The following BMAL1 variants were observed in gnomAD, a reference collection of about 807,000 sequenced individuals.
The protein encoded by BMAL1 is basic helix-loop-helix ARNT-like protein 1.
chr11:13,378,215 CA>C, the BMAL1 span: 1 of 1,330,694 alleles, frequency 7.5e-7, no homozygotes, highest in Non-Finnish European at 9.9e-7. Context: ...TAAAGTCCCT[CA>C]AGGCACAACT....
the BMAL1 span, among the ~76,000 whole-genome samples, chr11:13,302,234 G>A: frequency 6.6e-6 from 1 of 152,136 alleles, no homozygotes; most frequent in Admixed American, 6.5e-5. Context: ...TGAGGAATAG[G>A]TCTGGGCTGA....
At chr11:13,279,424 A>G in the BMAL1 span, among the ~76,000 whole-genome samples, 2 of 152,208 alleles carry the variant, frequency 1.3e-5, no homozygotes, top group African/African-American at 4.8e-5. Context: ...AATGACAACT[A>G]TTATTTTAAT....
the BMAL1 span, among the ~76,000 whole-genome samples, chr11:13,313,135 T>C: frequency 6.6e-6 from 1 of 152,226 alleles, no homozygotes; most frequent in Non-Finnish European, 1.5e-5. Flanking sequence ...CCCAGCTGAC[T>C]GCTCCCTGCA....
At chr11:13,304,507 A>G in the BMAL1 span, among the ~76,000 whole-genome samples, 2 of 152,238 alleles carry the variant, frequency 1.3e-5, no homozygotes, top group African/African-American at 4.8e-5. Flanking sequence ...CCTGTCCTCC[A>G]TAACCTCTTT....
At chr11:13,286,666 C>T in the BMAL1 span, among the ~76,000 whole-genome samples, 1 of 152,202 alleles carries the variant, frequency 6.6e-6, no homozygotes, top group African/African-American at 2.4e-5. Flanking sequence ...GTGACATTCT[C>T]AGTAGGAACC....
the BMAL1 span, among the ~76,000 whole-genome samples, chr11:13,354,119 C>T: frequency 6.6e-6 from 1 of 152,166 alleles, no homozygotes; most frequent in African/African-American, 2.4e-5. Flanking sequence ...TCTTTCCATT[C>T]TATCACATGC....
chr11:13,322,152 AG>A, the BMAL1 span, among the ~76,000 whole-genome samples: 1 of 152,142 alleles, frequency 6.6e-6, no homozygotes, highest in African/African-American at 2.4e-5. Flanking sequence ...TTGTCTACGA[AG>A]GAGGGCTAAG....
chr11:13,343,883 T>TG, the BMAL1 span, among the ~76,000 whole-genome samples: 1 of 152,138 alleles, frequency 6.6e-6, no homozygotes, highest in African/African-American at 2.4e-5. Context: ...GATTTACAAA[T>TG]CTTACCCCTT....
chr11:13,307,171 C>G, the BMAL1 span, among the ~76,000 whole-genome samples: 3 of 152,206 alleles, frequency 2.0e-5, no homozygotes, highest in Admixed American at 6.5e-5. Context: ...ATAAAAAAGA[C>G]TGTTTACCAT....
the BMAL1 span, chr11:13,386,963 CATTG>C: frequency 1.1e-5 from 5 of 472,696 alleles, no homozygotes; most frequent in South Asian, 2.7e-4. Flanking sequence ...GTTTCCTCAT[CATTG>C]ATTATTGGGC....
the BMAL1 span, among the ~76,000 whole-genome samples, chr11:13,278,527 G>A: frequency 6.6e-6 from 1 of 152,178 alleles, no homozygotes; most frequent in Non-Finnish European, 1.5e-5. Flanking sequence ...CGTCGGGCTT[G>A]GGGAGTCCAA....
At chr11:13,319,106 A>C in the BMAL1 span, among the ~76,000 whole-genome samples, 10 of 152,194 alleles carry the variant, frequency 6.6e-5, no homozygotes, top group African/African-American at 9.7e-5. Context: ...GTCCCTGTGC[A>C]TGGTGTTCTG....
At chr11:13,346,915 T>A in the BMAL1 span, among the ~76,000 whole-genome samples, 1 of 152,248 alleles carries the variant, frequency 6.6e-6, no homozygotes, top group Non-Finnish European at 1.5e-5. Flanking sequence ...AAGGCACCTC[T>A]GTTGGCTCAA....
chr11:13,370,249 G>A, the BMAL1 span, among the ~76,000 whole-genome samples: 3 of 152,024 alleles, frequency 2.0e-5, no homozygotes, highest in Non-Finnish European at 4.4e-5. Flanking sequence ...TTTGCTGGCT[G>A]CCCCTCTCTG....
the BMAL1 span, among the ~76,000 whole-genome samples, chr11:13,348,524 G>C: frequency 6.6e-6 from 1 of 152,110 alleles, no homozygotes; most frequent in Non-Finnish European, 1.5e-5. Context: ...TGGGGGCTGT[G>C]GGGTGTGGGA....
chr11:13,378,766 A>C, the BMAL1 span: 26 of 295,036 alleles, frequency 8.8e-5, no homozygotes, highest in African/African-American at 5.4e-4. Context: ...ATTCTTGAGA[A>C]GACTTAACTT....
chr11:13,356,248 C>A, the BMAL1 span: 1 of 457,264 alleles, frequency 2.2e-6, no homozygotes. Context: ...CTGCTCAGTA[C>A]TTTGTTGGTA....
chr11:13,328,582 T>C, the BMAL1 span, among the ~76,000 whole-genome samples: 77 of 152,274 alleles, frequency 5.1e-4, no homozygotes, highest in African/African-American at 1.8e-3. Context: ...AATCCTTTCA[T>C]AAGGAAGGCC....
At chr11:13,318,236 A>G in the BMAL1 span, among the ~76,000 whole-genome samples, 2 of 152,214 alleles carry the variant, frequency 1.3e-5, no homozygotes, top group Admixed American at 6.5e-5. Context: ...TATTTCCACT[A>G]GCAACTGTGA....
Sources: allele counts gnomAD v4.1 joint callset (sites outside exome capture counted in the v4.1 genomes callset), GRCh38; gene constraint gnomAD v4.1.1; transcripts MANE v1.5; gene names NCBI Gene and HGNC (gene_info 2026-07-23, HGNC 2026-07-21).